Variants in PCYT1A observed in about 807,000 individuals in gnomAD.
PCYT1A encodes choline-phosphate cytidylyltransferase A.
In PCYT1A, 25 loss-of-function variants were observed where a neutral mutation model predicts 43.7. The ratio of observed to expected loss-of-function variants is 0.57; its 90% CI spans 0.42 to 0.80. PCYT1A has a LOEUF of 0.80. Among genes scored for constraint, PCYT1A ranks in the 30% least tolerant of loss-of-function variants. The pLI is 0.00. For synonymous variants in PCYT1A, 172 were observed against 170.7 expected, an observed-to-expected ratio of 1.01 and a Z score of -0.06; for missense variants, 421 against 474.2, an observed-to-expected ratio of 0.89 and a Z score of 1.04.
chr3:196,240,369 G>A (rs964145565), intron 7 of PCYT1A, among the ~76,000 whole-genome samples: 2 of 152,174 alleles, frequency 1.3e-5, no homozygotes, highest in African/African-American at 4.8e-5. Flanking sequence ...CGGTGGAAGG[G>A]AAGGGAGTAT....
At chr3:196,262,023 G>A (rs1400533146) in intron 2 of PCYT1A, among the ~76,000 whole-genome samples, 1 of 152,154 alleles carries the variant, frequency 6.6e-6, no homozygotes, top group Non-Finnish European at 1.5e-5. Context: ...AGAAAAGGTA[G>A]TATTTTTTTA....
At chr3:196,245,976 C>G (rs1724558650) in intron 5 of PCYT1A, among the ~76,000 whole-genome samples, 1 of 149,724 alleles carries the variant, frequency 6.7e-6, no homozygotes, top group Non-Finnish European at 1.5e-5. Flanking sequence ...AAGAATGGGA[C>G]AAGCAAAACT....
At chr3:196,245,594 C>T (rs1206536165) in intron 5 of PCYT1A, among the ~76,000 whole-genome samples, 1 of 152,092 alleles carries the variant, frequency 6.6e-6, no homozygotes, top group Non-Finnish European at 1.5e-5. Flanking sequence ...CTATACCATC[C>T]CCGAGAGACC....
intron 2 of PCYT1A, among the ~76,000 whole-genome samples, chr3:196,261,958 G>T (rs535905447): frequency 6.6e-6 from 1 of 152,100 alleles, no homozygotes; most frequent in African/African-American, 2.4e-5. Flanking sequence ...GAAACCTAAC[G>T]TTGTGCAGCT....
At chr3:196,262,271 A>G (rs1725133736) in intron 2 of PCYT1A, among the ~76,000 whole-genome samples, 1 of 152,218 alleles carries the variant, frequency 6.6e-6, no homozygotes, top group Non-Finnish European at 1.5e-5. Context: ...ATACCTGTGA[A>G]ATCACAGCAA....
chr3:196,276,108 A>C (rs1195047746), intron 1 of PCYT1A, among the ~76,000 whole-genome samples: 2 of 151,798 alleles, frequency 1.3e-5, no homozygotes, highest in Non-Finnish European at 2.9e-5. Context: ...AAAAAAAAAA[A>C]AAACCAAAAC....
chr3:196,240,253 T>A (rs1321448384), intron 7 of PCYT1A, among the ~76,000 whole-genome samples: 1 of 152,256 alleles, frequency 6.6e-6, no homozygotes, highest in Non-Finnish European at 1.5e-5. Flanking sequence ...TGTTTTTTGC[T>A]TTTTGTTCCT....
Position 196,247,386 on chromosome 3 carries a change from T to A in PCYT1A, c.467A>T (p.Glu156Val). 1 of 1,614,182 alleles carries A rather than the reference T, an allele frequency of 6.2e-7. No homozygotes were observed. Among genetic ancestry groups the A allele is most frequent in the Non-Finnish European group, 8.5e-7 (1 of 1,180,044 alleles). Residue 156 changes from glutamate (E) to valine (V), a missense_variant, in exon 5 of 9, where the codon GAG becomes GTG. Glu to Val is a moderately radical substitution (Grantham distance 121). This residue lies in a region of PCYT1A where 174 missense variants were observed against 270.7 expected (regional missense o/e 0.64). Transcript: ENST00000431016. The surrounding 1 kb of genome is among the most constrained non-coding windows in gnomAD (Gnocchi z 4.8). Reference sequence around the variant, plus strand: ...TCTTACCCGGTGTTCGGCCAGGAACTCGGGTGTCAGCGTCCAGGGCGCATT... The same window carrying A: ...TCTTACCCGGTGTTCGGCCAGGAACACGGGTGTCAGCGTCCAGGGCGCATT... Reference protein sequence around the residue: ...VRNAPWTLTPEFLAEHRIDFV... With the variant: ...VRNAPWTLTPVFLAEHRIDFV...
intron 3 of PCYT1A, among the ~76,000 whole-genome samples, chr3:196,256,230 G>A (rs1257450663): frequency 2.0e-5 from 3 of 152,204 alleles, no homozygotes; most frequent in African/African-American, 7.2e-5. Flanking sequence ...GGTGGCTCAC[G>A]CCTGCAATCC....
At chr3:196,249,388 T>C (rs1724678801) in intron 3 of PCYT1A, among the ~76,000 whole-genome samples, 1 of 148,838 alleles carries the variant, frequency 6.7e-6, no homozygotes, top group African/African-American at 2.5e-5. Context: ...CAATCCCACC[T>C]TGGCCTCCCA....
At position 196,273,034 on chromosome 3, in the gene PCYT1A, A is replaced by T. The variant is rs933620642; in HGVS notation, c.-10-2493T>A. ...AAGAGGTGCACAGGCGAGCCAGCACAGGGTCCGGCCACTGCGCACAGCCAG... is the reference window on the plus strand; with the variant it reads ...AAGAGGTGCACAGGCGAGCCAGCACTGGGTCCGGCCACTGCGCACAGCCAG... On this transcript the variant is annotated intron_variant, in intron 1 of 8. Coordinates refer to ENST00000431016, the MANE Select transcript of PCYT1A (RefSeq NM_001312673.2). This position sits in a 1 kb window ranked among gnomAD's most constrained non-coding sequence, Gnocchi z 4.1. Among the ~76,000 whole-genome samples the T allele has an allele frequency of 5.3e-5, 8 of 152,208 alleles. No individual in the cohort carries two copies. The highest frequency in any genetic ancestry group is 7.3e-5 in the Non-Finnish European group (5 of 68,042).
intron 5 of PCYT1A, among the ~76,000 whole-genome samples, chr3:196,245,547 T>C (rs1032286009): frequency 1.3e-5 from 2 of 152,214 alleles, no homozygotes; most frequent in Admixed American, 6.5e-5. Flanking sequence ...CCTTCCTGTA[T>C]GGGCCACCAG....
At chr3:196,239,996 C>A (rs1724302245) in intron 7 of PCYT1A, 3 of 417,896 alleles carry the variant, frequency 7.2e-6, no homozygotes, top group Non-Finnish European at 1.3e-5. Context: ...AGGCACGTAG[C>A]CAAATAAAGT....
At position 196,263,067 on chromosome 3, in the gene PCYT1A, A is replaced by G. The variant is rs181151656; in HGVS notation, c.118-5180T>C. Among the ~76,000 whole-genome samples, 419 of 152,288 alleles carry G rather than the reference A, an allele frequency of 2.8e-3. 1 individual carries two copies. Among genetic ancestry groups the G allele is most frequent in the African/African-American group, 9.6e-3 (397 of 41,558 alleles). On this transcript the variant is annotated intron_variant, in intron 2 of 8. Coordinates refer to ENST00000431016, the MANE Select transcript of PCYT1A (RefSeq NM_001312673.2). ...CTCGGCCTCCCAAAGTGCTGGGATT[A>G]CAGGCGTGAGCCACCGCATCCAACT...
In PCYT1A at chr3:196,258,592, ATTT is replaced by A. The variant is rs113525117; in HGVS notation, c.118-708_118-706del. On this transcript the variant is annotated intron_variant, in intron 2 of 8. Coordinates refer to ENST00000431016, the MANE Select transcript of PCYT1A (RefSeq NM_001312673.2). ...TTTTGCTTATTCTTTTCCAATCTGGATTTTTTTTTTTTTTTGAGAGGGTCCAGC... is the reference window on the plus strand; with the variant it reads ...TTTTGCTTATTCTTTTCCAATCTGGATTTTTTTTTTTTGAGAGGGTCCAGC... Among the ~76,000 whole-genome samples the A allele has an allele frequency of 8.3e-3, 1,199 of 144,706 alleles. 12 individuals carry two copies. The highest frequency in any genetic ancestry group is 0.027 in the African/African-American group (1,061 of 39,286). The allele number at this position is 144,706 out of a possible 152,430, so 94.9% of individuals were successfully genotyped here. A position where few individuals can be genotyped will look rare whatever the true frequency, so the allele number is the denominator to read the frequency against.
intron 1 of PCYT1A, among the ~76,000 whole-genome samples, chr3:196,280,733 C>T (rs972281102): frequency 6.6e-6 from 1 of 151,958 alleles, no homozygotes; most frequent in Non-Finnish European, 1.5e-5. Context: ...AAGAGATTAA[C>T]AGGAATAACT....
chr3:196,281,748 A>G lies in PCYT1A; in HGVS notation c.-11+5867T>C, dbSNP rs148094549. On this transcript the variant is annotated intron_variant, in intron 1 of 8. Transcript: ENST00000431016. ...CAGTGTTAGAAATAGAATTATTTCG[A>G]GTACAGTGGTGCAATCATGGCTCAC... Among the ~76,000 whole-genome samples the G allele has an allele frequency of 9.1e-4, 139 of 152,340 alleles. 1 individual carries two copies. Among genetic ancestry groups the G allele is most frequent in the African/African-American group, 3.2e-3 (133 of 41,584 alleles).
rs1577350073 is a variant in PCYT1A at position 196,235,294 on chromosome 3, A to G, written c.*3394T>C. 1 of 152,132 alleles carries G rather than the reference A, an allele frequency of 6.6e-6. No homozygotes were observed. The highest frequency in any genetic ancestry group is 2.4e-5 in the African/African-American group (1 of 41,456). 9.4% of individuals were successfully genotyped at this position (152,132 alleles called of 1,614,324 possible). On this transcript the variant is annotated 3_prime_UTR_variant, in exon 9 of 9. Coordinates refer to ENST00000431016, the MANE Select transcript of PCYT1A (RefSeq NM_001312673.2). This position sits in a 1 kb window ranked among gnomAD's most constrained non-coding sequence, Gnocchi z 4.3. ...GCTCAGGTGCAGCCCCCCAAAAACC[A>G]CCATCACTCAGGTACAGCCTCCAAA...
At chr3:196,264,683 A>C (rs982699723) in intron 2 of PCYT1A, among the ~76,000 whole-genome samples, 1 of 152,220 alleles carries the variant, frequency 6.6e-6, no homozygotes, top group East Asian at 1.9e-4. Context: ...ATCCTGACCC[A>C]CCAACCCAGG....
Sources: allele counts gnomAD v4.1 joint callset (sites outside exome capture counted in the v4.1 genomes callset), GRCh38; gene constraint gnomAD v4.1.1; regional missense constraint gnomAD v4.1.1; non-coding constraint Gnocchi (gnomAD v3.1); transcripts MANE v1.5; gene names NCBI Gene and HGNC (gene_info 2026-07-23, HGNC 2026-07-21).